SESN1: variants seen among roughly 807,000 people sequenced by gnomAD.
SESN1 encodes sestrin 1, also known as sestrin-1.
A neutral mutation model predicts 59.3 loss-of-function variants in SESN1; 30 were observed. The observed-to-expected ratio is 0.51, with a 90% CI of 0.38 to 0.69. The LOEUF is 0.69. SESN1 is among the 30% of genes least tolerant of loss of function. The pLI, the probability that SESN1 is intolerant of heterozygous loss-of-function variation, is 0.00. For missense variants in SESN1, 566 were observed against 673.0 expected, an observed-to-expected ratio of 0.84 and a Z score of 1.76; for synonymous variants, 197 against 219.9, an observed-to-expected ratio of 0.90 and a Z score of 0.92.
intron 1 of SESN1, among the ~76,000 whole-genome samples, chr6:109,010,471 A>C (rs146143997): frequency 6.6e-6 from 1 of 152,228 alleles, no homozygotes; most frequent in East Asian, 1.9e-4. Context: ...CATTCTGACA[A>C]GGAAACAAGT....
chr6:109,071,336 A>G (rs958084630), intron 1 of SESN1, among the ~76,000 whole-genome samples: 2 of 151,762 alleles, frequency 1.3e-5, no homozygotes, highest in African/African-American at 4.9e-5. Flanking sequence ...AGGCATATAC[A>G]AAGATAGTTT....
chr6:109,009,472 G>T (rs1779811913), intron 1 of SESN1: 1 of 1,252,930 alleles, frequency 8.0e-7, no homozygotes, highest in Non-Finnish European at 1.0e-6. Context: ...TCGGCGCGGG[G>T]ACGGCTGCGG....
At chr6:108,994,638 T>A (rs896393987) in intron 5 of SESN1, 29 bp from the exon 6 acceptor site, 1 of 1,583,222 alleles carries the variant, frequency 6.3e-7, no homozygotes, top group Non-Finnish European at 8.6e-7. Context: ...TAATGTTACA[T>A]GTGGCAGACA....
chr6:109,046,807 C>T (rs1242610175), intron 1 of SESN1, among the ~76,000 whole-genome samples: 9 of 137,530 alleles, frequency 6.5e-5, no homozygotes, highest in African/African-American at 2.1e-4. Flanking sequence ...CGTCTCTGCC[C>T]GGCCGCCCTG....
intron 1 of SESN1, chr6:109,059,618 G>A (rs1780697574): frequency 1.3e-5 from 2 of 151,900 alleles, no homozygotes; most frequent in South Asian, 2.1e-4. Context: ...CAAGCACAAG[G>A]CGGGCAAAAT....
chr6:109,083,872 TACTC>T (rs1654675633), intron 1 of SESN1, among the ~76,000 whole-genome samples: 1 of 152,178 alleles, frequency 6.6e-6, no homozygotes, highest in African/African-American at 2.4e-5. Context: ...TTTGAAAAAT[TACTC>T]AGTTATAATT....
intron 1 of SESN1, among the ~76,000 whole-genome samples, chr6:109,017,113 A>T (rs1427488376): frequency 6.6e-6 from 1 of 152,140 alleles, no homozygotes; most frequent in African/African-American, 2.4e-5. Flanking sequence ...TTCGTCTATA[A>T]TTCAATAGAC....
intron 8 of SESN1, 27 bp from the exon 9 acceptor site, chr6:108,988,714 G>C: frequency 6.4e-7 from 1 of 1,554,340 alleles, no homozygotes; most frequent in Non-Finnish European, 8.7e-7. Context: ...TGAGAATTAT[G>C]ATATTTTCAG....
chr6:109,009,630 C>G (rs1484077458), intron 1 of SESN1: 27 of 942,556 alleles, frequency 2.9e-5, no homozygotes, highest in Non-Finnish European at 3.5e-5. Context: ...CCCTGGCGGC[C>G]ACGCAAGCCA....
At chr6:108,998,799 T>C in intron 4 of SESN1, 44 bp from the exon 5 acceptor site, 1 of 1,565,748 alleles carries the variant, frequency 6.4e-7, no homozygotes. Context: ...TACTGGGGTG[T>C]GGTAAAAGTA....
chr6:109,042,762 T>TG (rs1000166344), intron 1 of SESN1, among the ~76,000 whole-genome samples: 1 of 152,066 alleles, frequency 6.6e-6, no homozygotes, highest in African/African-American at 2.4e-5. Flanking sequence ...TTTATTTCAC[T>TG]GGATAACTCC....
At chr6:108,995,085 T>C (rs1171777673) in intron 5 of SESN1, among the ~76,000 whole-genome samples, 1 of 152,158 alleles carries the variant, frequency 6.6e-6, no homozygotes, top group African/African-American at 2.4e-5. Flanking sequence ...TACTTTGGCC[T>C]ATTAGGAATA....
intron 5 of SESN1, among the ~76,000 whole-genome samples, chr6:108,997,736 G>A (rs1779529800): frequency 6.6e-6 from 1 of 152,138 alleles, no homozygotes; most frequent in African/African-American, 2.4e-5. Context: ...ATATAACTCA[G>A]AAAATGCATG....
intron 1 of SESN1, among the ~76,000 whole-genome samples, chr6:109,060,665 G>A (rs1359924184): frequency 6.6e-6 from 1 of 152,182 alleles, no homozygotes; most frequent in African/African-American, 2.4e-5. Context: ...TGCAGCATCT[G>A]TAGGATGCTC....
chr6:109,039,558 T>C (rs1780306589), intron 1 of SESN1, among the ~76,000 whole-genome samples: 1 of 152,246 alleles, frequency 6.6e-6, no homozygotes. Flanking sequence ...CAGCAAGCAC[T>C]GGCTATCTTT....
At position 109,094,053 on chromosome 6, in the gene SESN1, T is replaced by C. The variant is rs1233922609; in HGVS notation, c.21A>G (p.Glu7=). The change falls in exon 1 of 10, where the codon GAA becomes GAG. Residue 7 remains glutamate, a synonymous_variant. Transcript: ENST00000436639. MAEGEN[E]VRWDGLCSRD... is the part of the protein sequence containing the mutation. ...TGCTGCAGAGTCCATCCCATCTCAC[T>C]TCATTCTCTCCTTCAGCCATGACAA... The C allele has an allele frequency of 1.9e-6, 3 of 1,613,754 alleles. No individual in the cohort carries two copies. Among genetic ancestry groups the C allele is most frequent in the Non-Finnish European group, 1.7e-6 (2 of 1,179,718 alleles).
intron 9 of SESN1, among the ~76,000 whole-genome samples, chr6:108,987,839 C>G (rs1345726107): frequency 7.3e-6 from 1 of 136,158 alleles, no homozygotes; most frequent in Non-Finnish European, 1.5e-5. Context: ...CACTTTCACT[C>G]TTTCCCAGGC....
chr6:109,037,743 A>G lies in SESN1; in HGVS notation c.280-35400T>C, dbSNP rs562355522. ...ATCAAGGCTGGCCTTATGATTTACT[A>G]GAGTATATGGCTGCTTGCTTGGTAT... is the stretch of plus-strand genomic sequence containing the variant. On this transcript the variant is annotated intron_variant, in intron 1 of 9. Coordinates refer to ENST00000436639, the MANE Select transcript of SESN1 (RefSeq NM_014454.3). 2.2e-4 allele frequency among the ~76,000 whole-genome samples: 34 copies of G among 152,288 alleles called. No homozygotes were observed. The East Asian group carries it at 4.2e-3, about 19-fold the overall frequency.
chr6:109,048,680 C>T (rs893338217), intron 1 of SESN1, among the ~76,000 whole-genome samples: 2 of 152,106 alleles, frequency 1.3e-5, no homozygotes, highest in Non-Finnish European at 2.9e-5. Flanking sequence ...AAATCTTATT[C>T]CCTAATACAG....
Sources: allele counts gnomAD v4.1 joint callset (sites outside exome capture counted in the v4.1 genomes callset), GRCh38; gene constraint gnomAD v4.1.1; transcripts MANE v1.5; gene names NCBI Gene and HGNC (gene_info 2026-07-23, HGNC 2026-07-21).